LMNB2: variants seen among roughly 807,000 people sequenced by gnomAD.
LMNB2 encodes lamin B2.
LMNB2 carries 17 observed loss-of-function variants against 69.3 expected under a neutral mutation model. That is an observed-to-expected ratio of 0.25 (90% CI 0.17 to 0.37). LMNB2 has a LOEUF of 0.37. Among genes scored for constraint, LMNB2 ranks in the 10% least tolerant of loss-of-function variants. LMNB2 has a pLI of 1.00. For synonymous variants in LMNB2, 397 were observed against 389.3 expected (o/e 1.02, Z -0.23); for missense variants, 789 against 883.6 (o/e 0.89, Z 1.36).
At position 2,430,453 on chromosome 19, in the gene LMNB2, TG is replaced by T. The variant is rs1355678063; in HGVS notation, c.*457del. On this transcript the variant is annotated 3_prime_UTR_variant, in exon 12 of 12. Transcript: ENST00000325327. ...AAGCTGGGCAGCCAGAATGCAGGCT[TG>T]GCCCCGGGCCCCACCAGGTCGACGC... The T allele has an allele frequency of 3.7e-6, 1 of 268,550 alleles. No individual in the cohort carries two copies. Among genetic ancestry groups the T allele is most frequent in the East Asian group, 9.9e-5 (1 of 10,092 alleles). The allele number at this position is 268,550 out of a possible 1,614,324, so 16.6% of individuals were successfully genotyped here. A position where few individuals can be genotyped will look rare whatever the true frequency, so the allele number is the denominator to read the frequency against.
chr19:2,441,652 ACCCTTGC>A (rs1486889180), intron 2 of LMNB2, among the ~76,000 whole-genome samples: 8 of 152,280 alleles, frequency 5.3e-5, no homozygotes, highest in African/African-American at 1.7e-4. Flanking sequence ...TGCATCTAGA[ACCCTTGC>A]CTTACACTGC....
intron 1 of LMNB2, among the ~76,000 whole-genome samples, chr19:2,455,746 G>T (rs757044878): frequency 2.0e-5 from 3 of 151,512 alleles, no homozygotes; most frequent in Non-Finnish European, 2.9e-5. Context: ...CCTCCCAAGG[G>T]GTCCCCCAAG....
rs62119879 is a variant in LMNB2 at position 2,453,888 on chromosome 19, C to T, written c.264+2782G>A. Among the ~76,000 whole-genome samples the T allele has an allele frequency of 0.065, 9,966 of 152,234 alleles. 525 individuals carry two copies. The highest frequency in any genetic ancestry group is 0.28 in the East Asian group (1,472 of 5,174). On this transcript the variant is annotated intron_variant, in intron 1 of 11. Transcript: ENST00000325327. This position sits in a 1 kb window ranked among gnomAD's most constrained non-coding sequence, Gnocchi z 4.4. ...ACAAGAAACCAGCTCTAACCCTGCA[C>T]GCCACGGGTCCAGCAGGCGGCCTCT...
At chr19:2,452,919 CATCCTCATGGGGG>C (rs1972042868) in intron 1 of LMNB2, among the ~76,000 whole-genome samples, 1 of 82,016 alleles carries the variant, frequency 1.2e-5, no homozygotes, top group African/African-American at 5.4e-5. Context: ...GGGGATGGGT[CATCCTCATGGGGG>C]CTGCGTCATC....
chr19:2,452,083 A>G (rs969027214), intron 1 of LMNB2, among the ~76,000 whole-genome samples: 1 of 151,258 alleles, frequency 6.6e-6, no homozygotes, highest in Non-Finnish European at 1.5e-5. Context: ...GCACTCAGTG[A>G]TCCTCCTTCA....
In LMNB2 at chr19:2,434,480, C is replaced by T. The variant is rs770730869; in HGVS notation, c.1017G>A (p.Glu339=). The part of the protein sequence containing the change: ...SAAEDRIREL[E]EAMAGERDKF... ...TGTCCCGCTCCCCGGCCATGGCCTC[C>T]TCCAGCTCCCGAATGCGATCTTCAG... The change falls in exon 7 of 12, where the codon GAG becomes GAA. Residue 339 remains glutamate (E), a synonymous_variant. Transcript: ENST00000325327. 1.2e-6 allele frequency: 2 copies of T among 1,613,068 alleles called. No homozygotes were observed. Among genetic ancestry groups the T allele is most frequent in the Admixed American group, 1.7e-5 (1 of 60,010 alleles).
chr19:2,442,933 G>A (rs141717602), intron 2 of LMNB2, among the ~76,000 whole-genome samples: 4 of 152,306 alleles, frequency 2.6e-5, no homozygotes, highest in Non-Finnish European at 4.4e-5. Flanking sequence ...CGCCTGGTGC[G>A]GGGCCAGCAG....
chr19:2,448,618 T>C (rs562213810), intron 1 of LMNB2, among the ~76,000 whole-genome samples: 1 of 152,028 alleles, frequency 6.6e-6, no homozygotes, highest in Non-Finnish European at 1.5e-5. Context: ...GAGGCTGAGG[T>C]GGGCGGATTA....
At position 2,438,279 on chromosome 19, in the gene LMNB2, C is replaced by G. The variant is rs377308554; in HGVS notation, c.568G>C (p.Gly190Arg). 6.2e-7 allele frequency: 1 copy of G among 1,614,032 alleles called. No individual in the cohort carries two copies. Among genetic ancestry groups the G allele is most frequent in the Admixed American group, 1.7e-5 (1 of 60,034 alleles). Residue 190 changes from glycine to arginine, a missense_variant, in exon 4 of 12, where the codon GGT (glycine) becomes CGT (arginine). By Grantham distance (125) the Gly-to-Arg change is moderately radical (BLOSUM62 -2). Transcript: ENST00000325327. The stretch of plus-strand genomic sequence containing the variant: ...AGCTGCTTTTTGGCCACTGCATGAC[C>G]GTCCTCGGCCTGGGAGACACAGGAC... ...LRAQLAKAEDGHAVAKKQLEK... is the reference protein window; with the variant it reads ...LRAQLAKAEDRHAVAKKQLEK...
At chr19:2,437,288 G>C (rs2145452830) in intron 4 of LMNB2, 1 of 152,636 alleles carries the variant, frequency 6.6e-6, no homozygotes, top group Non-Finnish European at 1.5e-5. Context: ...AGGGGCTGCA[G>C]GTCAGGGAAG....
At position 2,430,754 on chromosome 19, in the gene LMNB2, C is replaced by T. The variant is rs909517845; in HGVS notation, c.*157G>A. 2.8e-5 allele frequency: 20 copies of T among 714,204 alleles called. No homozygotes were observed. Among genetic ancestry groups the T allele is most frequent in the Middle Eastern group, 2.7e-4 (1 of 3,714 alleles). 44.2% of individuals were successfully genotyped at this position (714,204 alleles called of 1,614,324 possible). On this transcript the variant is annotated 3_prime_UTR_variant, in exon 12 of 12. Transcript: ENST00000325327. ...CAGCGAAGTGAGGCTGGAGGAGACC[C>T]GCCAGGAGGGAGGGCTGGGGGAGAC...
chr19:2,448,119 C>T (rs1433832830), intron 1 of LMNB2, among the ~76,000 whole-genome samples: 2 of 152,192 alleles, frequency 1.3e-5, no homozygotes, highest in African/African-American at 4.8e-5. Flanking sequence ...AGCCCTCCCT[C>T]CCATGCAGGC....
chr19:2,454,671 A>C (rs552019504), intron 1 of LMNB2, among the ~76,000 whole-genome samples: 1 of 152,230 alleles, frequency 6.6e-6, no homozygotes, highest in East Asian at 1.9e-4. Context: ...TGGGCGCTGC[A>C]AATCCCGACT....
chr19:2,453,083 T>C lies in LMNB2; in HGVS notation c.264+3587A>G, dbSNP rs1030140081. Among the ~76,000 whole-genome samples, 2 of 151,218 alleles carry C rather than the reference T, an allele frequency of 1.3e-5. No individual in the cohort carries two copies. The highest frequency in any genetic ancestry group is 6.6e-5 in the Admixed American group (1 of 15,202). Reference sequence around the variant, plus strand: ...TCATCCTCATGGGGCTGGGTCATCCTCGTGAGGGCTGCGTCATCCTCGTGG... The same window carrying C: ...TCATCCTCATGGGGCTGGGTCATCCCCGTGAGGGCTGCGTCATCCTCGTGG... On this transcript the variant is annotated intron_variant, in intron 1 of 11. Transcript: ENST00000325327. The surrounding 1 kb of genome is among the most constrained non-coding windows in gnomAD (Gnocchi z 4.4).
rs747564033 is a variant in LMNB2 at position 2,432,401 on chromosome 19, T to C, written c.1590+15A>G. On this transcript the variant is annotated intron_variant, in intron 9 of 11. Transcript: ENST00000325327. ...CCATCCGTGGCCACCCTCGCCCTCC[T>C]GCCCCACCACCTACCGTGACCATCT... The C allele has an allele frequency of 3.7e-6, 5 of 1,368,060 alleles. No individual in the cohort carries two copies. The highest frequency in any genetic ancestry group is 3.5e-5 in the South Asian group (3 of 85,910). The allele number at this position is 1,368,060 out of a possible 1,614,324, so 84.7% of individuals were successfully genotyped here.
intron 1 of LMNB2, among the ~76,000 whole-genome samples, chr19:2,445,701 G>A (rs568255343): frequency 4.0e-5 from 3 of 74,942 alleles, no homozygotes; most frequent in African/African-American, 1.2e-4. Flanking sequence ...TCGATCACAG[G>A]GATCTGCAGT....
chr19:2,430,793 C>T lies in LMNB2; in HGVS notation c.*118G>A. 4 of 814,024 alleles carry T rather than the reference C, an allele frequency of 4.9e-6. No individual in the cohort carries two copies. In the Admixed American group the frequency reaches 5.5e-5, roughly 11 times the overall value. The allele number at this position is 814,024 out of a possible 1,614,324, so 50.4% of individuals were successfully genotyped here. A position where few individuals can be genotyped will look rare whatever the true frequency, so the allele number is the denominator to read the frequency against. ...GCTGGGGGAGACCCACCCACACGTTCTGGCAGTTCGCTTAGAAATTCTCTA... is the reference window on the plus strand; with the variant it reads ...GCTGGGGGAGACCCACCCACACGTTTTGGCAGTTCGCTTAGAAATTCTCTA... On this transcript the variant is annotated 3_prime_UTR_variant, in exon 12 of 12. Coordinates refer to ENST00000325327, the MANE Select transcript of LMNB2 (RefSeq NM_032737.4).
intron 8 of LMNB2, among the ~76,000 whole-genome samples, chr19:2,433,247 AC>A (rs1971770272): frequency 4.3e-5 from 1 of 23,272 alleles, no homozygotes; most frequent in African/African-American, 2.5e-4. Context: ...GACCCTGATC[AC>A]CCCCATCAGC....
At chr19:2,434,236 T>G in intron 7 of LMNB2, 59 bp downstream of exon 7, 2 of 1,580,192 alleles carry the variant, frequency 1.3e-6, no homozygotes, top group Non-Finnish European at 1.7e-6. Flanking sequence ...GTCCCGCCTC[T>G]CCTCCTGCCC....
Sources: gnomAD v4.1 joint callset for allele counts (sites outside exome capture counted in the v4.1 genomes callset) on GRCh38, gnomAD v4.1.1 for gene constraint, Gnocchi (gnomAD v3.1) non-coding constraint, MANE v1.5 for transcripts, NCBI Gene and HGNC (gene_info 2026-07-23, HGNC 2026-07-21) for gene names.